TNFRSF19: variants seen among roughly 807,000 people sequenced by gnomAD.
The protein encoded by TNFRSF19 is TNF receptor superfamily member 19.
TNFRSF19 carries 27 observed loss-of-function variants against 46.4 expected under a neutral mutation model. The ratio of observed to expected loss-of-function variants is 0.58; its 90% confidence interval spans 0.43 to 0.80. The LOEUF (loss-of-function observed/expected upper bound fraction) is 0.80, where lower values mean the gene tolerates loss of function less well. TNFRSF19 is among the 30% of genes least tolerant of loss of function. The pLI, the probability that TNFRSF19 is intolerant of heterozygous loss-of-function variation, is 0.00. For missense variants in TNFRSF19, 511 were observed against 530.8 expected, an observed-to-expected ratio of 0.96 and a Z score of 0.37; for synonymous variants, 204 against 205.0, an observed-to-expected ratio of 1.00 and a Z score of 0.04.
intron 5 of TNFRSF19, among the ~76,000 whole-genome samples, chr13:23,648,507 C>T (rs192528359): frequency 6.6e-6 from 1 of 151,950 alleles, no homozygotes; most frequent in East Asian, 1.9e-4. Flanking sequence ...TCGTTTTCAA[C>T]ATGTAAGGTA....
intron 5 of TNFRSF19, among the ~76,000 whole-genome samples, chr13:23,641,066 C>A (rs1883011603): frequency 6.6e-6 from 1 of 152,192 alleles, no homozygotes; most frequent in Non-Finnish European, 1.5e-5. Context: ...TAAAAGATTC[C>A]ATGAAAGATT....
intron 5 of TNFRSF19, among the ~76,000 whole-genome samples, chr13:23,656,257 A>C (rs1328825869): frequency 6.6e-6 from 1 of 152,206 alleles, no homozygotes. Context: ...TATCATTGAC[A>C]TTACAGTATT....
chr13:23,671,483 C>T (rs145854965), intron 9 of TNFRSF19, among the ~76,000 whole-genome samples: 10 of 148,400 alleles, frequency 6.7e-5, no homozygotes, highest in East Asian at 2.0e-4. Flanking sequence ...GCCCATTTTA[C>T]GAGATAATCA....
chr13:23,620,375 G>A (rs1338971935), intron 4 of TNFRSF19, among the ~76,000 whole-genome samples: 1 of 152,186 alleles, frequency 6.6e-6, no homozygotes, highest in Admixed American at 6.5e-5. Context: ...CTGTCCATAG[G>A]CCGAGGTCCC....
chr13:23,664,932 C>T (rs1468262042), intron 7 of TNFRSF19, among the ~76,000 whole-genome samples: 1 of 152,202 alleles, frequency 6.6e-6, no homozygotes, highest in East Asian at 1.9e-4. Context: ...ACTTCCAGGA[C>T]CACTATGGTA....
intron 7 of TNFRSF19, among the ~76,000 whole-genome samples, chr13:23,663,287 C>G (rs1884488949): frequency 6.6e-6 from 1 of 152,036 alleles, no homozygotes; most frequent in Non-Finnish European, 1.5e-5. Context: ...GTGGTTTTGT[C>G]TTTAGTTCTG....
In TNFRSF19 at chr13:23,608,958, G is replaced by T. The variant is rs1229289470; in HGVS notation, c.181-6909G>T. ...GACCCATCTGTTTCCGGTCCTCCATGCTCCTCATGCCAGATGCTGTTGCCC... is the reference window on the plus strand; with the variant it reads ...GACCCATCTGTTTCCGGTCCTCCATTCTCCTCATGCCAGATGCTGTTGCCC... On this transcript the variant is annotated intron_variant, in intron 3 of 9. Transcript: ENST00000248484. Among the ~76,000 whole-genome samples, 10 of 152,146 alleles carry T rather than the reference G, an allele frequency of 6.6e-5. 1 individual carries two copies.
Position 23,628,364 on chromosome 13 carries a change from A to G in TNFRSF19, c.445+1572A>G, listed in dbSNP as rs145837636. 5.0e-3 allele frequency among the ~76,000 whole-genome samples: 766 copies of G among 152,306 alleles called. 1 individual carries two copies. Among genetic ancestry groups the G allele is most frequent in the Non-Finnish European group, 8.0e-3 (545 of 68,030 alleles). On this transcript the variant is annotated intron_variant, in intron 5 of 9. Transcript: ENST00000248484. Reference sequence around the variant, plus strand: ...GACACTGGAAGAGTGTCTTTATGCCACGACACAACCCATCAAAGGACAAGC... The same window carrying G: ...GACACTGGAAGAGTGTCTTTATGCCGCGACACAACCCATCAAAGGACAAGC...
Position 23,673,449 on chromosome 13 carries a change from G to T in TNFRSF19, c.*69G>T. Reference sequence around the variant, plus strand: ...AAGAGTACTCCTTTGTTAGGCTTATGGACTGAGCAGTCTGGACCTTGCATG... The same window carrying T: ...AAGAGTACTCCTTTGTTAGGCTTATTGACTGAGCAGTCTGGACCTTGCATG... On this transcript the variant is annotated 3_prime_UTR_variant, in exon 10 of 10. Coordinates refer to ENST00000248484, the MANE Select transcript of TNFRSF19 (RefSeq NM_148957.4). 6.4e-7 allele frequency: 1 copy of T among 1,555,656 alleles called. No homozygotes were observed. Among genetic ancestry groups the T allele is most frequent in the South Asian group, 1.2e-5 (1 of 81,568 alleles).
chr13:23,626,435 G>T (rs1008395287), intron 4 of TNFRSF19, among the ~76,000 whole-genome samples: 1 of 152,056 alleles, frequency 6.6e-6, no homozygotes, highest in Non-Finnish European at 1.5e-5. Flanking sequence ...AAATGCCGAA[G>T]ACCACTGACT....
At chr13:23,662,837 G>A (rs1884454631) in intron 7 of TNFRSF19, among the ~76,000 whole-genome samples, 1 of 152,184 alleles carries the variant, frequency 6.6e-6, no homozygotes, top group Non-Finnish European at 1.5e-5. Flanking sequence ...TGGTGTAGAA[G>A]AATACTAATG....
At chr13:23,596,199 C>T (rs906905117) in intron 3 of TNFRSF19, among the ~76,000 whole-genome samples, 1 of 152,126 alleles carries the variant, frequency 6.6e-6, no homozygotes, top group Admixed American at 6.6e-5. Flanking sequence ...GAAACTGCAT[C>T]AACAGGCAAA....
chr13:23,596,326 C>T (rs1278613353), intron 3 of TNFRSF19, among the ~76,000 whole-genome samples: 1 of 152,070 alleles, frequency 6.6e-6, no homozygotes, highest in East Asian at 1.9e-4. Flanking sequence ...AGTCAAGACC[C>T]ATCAGTGTGC....
At chr13:23,580,836 TATC>T (rs538973736) in intron 1 of TNFRSF19, among the ~76,000 whole-genome samples, 214 of 152,388 alleles carry the variant, frequency 1.4e-3, no homozygotes, top group African/African-American at 4.8e-3. Flanking sequence ...CATGAAGCAT[TATC>T]ATGAGCTCTG....
At chr13:23,597,730 C>T (rs1253960127) in intron 3 of TNFRSF19, among the ~76,000 whole-genome samples, 1 of 152,132 alleles carries the variant, frequency 6.6e-6, no homozygotes, top group Admixed American at 6.5e-5. Context: ...AGAGGGACTC[C>T]TCTCTAACTC....
chr13:23,635,680 A>G (rs1593274859), intron 5 of TNFRSF19, among the ~76,000 whole-genome samples: 2 of 152,290 alleles, frequency 1.3e-5, no homozygotes, highest in South Asian at 4.1e-4. Flanking sequence ...AGCCTGGTCT[A>G]AAACATTATT....
chr13:23,658,159 G>C (rs750798664), intron 5 of TNFRSF19, among the ~76,000 whole-genome samples: 1 of 152,142 alleles, frequency 6.6e-6, no homozygotes, highest in East Asian at 1.9e-4. Context: ...AAATGAGTTT[G>C]TTTATCCTGG....
chr13:23,613,987 A>T (rs754277041), intron 3 of TNFRSF19, among the ~76,000 whole-genome samples: 2 of 152,214 alleles, frequency 1.3e-5, no homozygotes, highest in Non-Finnish European at 2.9e-5. Context: ...AAAACTTGAG[A>T]CCACCCCGTA....
In TNFRSF19 at chr13:23,615,668, T is replaced by C. The variant is rs57216713; in HGVS notation, c.181-199T>C. On this transcript the variant is annotated intron_variant, in intron 3 of 9. Transcript: ENST00000248484. Reference sequence around the variant, plus strand: ...CTCACGGCTTCTTGAATAAAGTGGATGACTAAGTGGACTTACCATAGTAAG... The same window carrying C: ...CTCACGGCTTCTTGAATAAAGTGGACGACTAAGTGGACTTACCATAGTAAG... 2.7e-3 allele frequency among the ~76,000 whole-genome samples: 411 copies of C among 152,342 alleles called. 10 individuals are homozygous for C. The East Asian group carries it at 0.052, about 19-fold the overall frequency.
Sources: allele counts gnomAD v4.1 joint callset (sites outside exome capture counted in the v4.1 genomes callset), GRCh38; gene constraint gnomAD v4.1.1; transcripts MANE v1.5; gene names NCBI Gene and HGNC (gene_info 2026-07-23, HGNC 2026-07-21).